ZFHX3: variants seen among roughly 807,000 people sequenced by gnomAD.
ZFHX3 encodes the protein zinc finger homeobox 3.
In ZFHX3, 42 loss-of-function variants were observed where a neutral mutation model predicts 279.1. The observed-to-expected ratio is 0.15, with a 90% confidence interval of 0.12 to 0.19. The LOEUF (loss-of-function observed/expected upper bound fraction) is 0.19, where lower values mean the gene tolerates loss of function less well. Ranked by LOEUF, ZFHX3 falls within the 10% of genes least tolerant of loss-of-function variation. The pLI is 1.00. For missense variants in ZFHX3, 4,981 were observed against 4,754.0 expected (o/e 1.05, Z -1.40); for synonymous variants, 2,293 against 1,957.8 (o/e 1.17, Z -4.52).
intron 2 of ZFHX3, among the ~76,000 whole-genome samples, chr16:73,595,381 C>T (rs2052037981): frequency 6.6e-6 from 1 of 152,206 alleles, no homozygotes; most frequent in African/African-American, 2.4e-5. Context: ...CCTTAACTTC[C>T]TTGACCTCTC....
intron 5 of ZFHX3, among the ~76,000 whole-genome samples, chr16:72,820,214 G>A (rs2036747975): frequency 6.6e-6 from 1 of 152,184 alleles, no homozygotes; most frequent in African/African-American, 2.4e-5. Flanking sequence ...GTGGGATGGT[G>A]GGCACACGCT....
intron 4 of ZFHX3, among the ~76,000 whole-genome samples, chr16:73,302,358 C>A (rs2015076188): frequency 6.6e-6 from 1 of 152,146 alleles, no homozygotes; most frequent in Admixed American, 6.5e-5. Flanking sequence ...AGAAACTTCT[C>A]TCAAGAGCAG....
intron 1 of ZFHX3, among the ~76,000 whole-genome samples, chr16:73,007,695 G>A (rs1023853138): frequency 2.0e-5 from 3 of 152,034 alleles, no homozygotes; most frequent in Non-Finnish European, 4.4e-5. Flanking sequence ...TCCACCCGCC[G>A]CGGCCTCCCA....
intron 4 of ZFHX3, among the ~76,000 whole-genome samples, chr16:73,308,062 A>G (rs2015223475): frequency 6.6e-6 from 1 of 151,680 alleles, no homozygotes; most frequent in Non-Finnish European, 1.5e-5. Flanking sequence ...AAAGAGGGGG[A>G]AAAGGCACTT....
chr16:72,921,437 G>T (rs1330811170), intron 3 of ZFHX3, among the ~76,000 whole-genome samples: 2 of 152,342 alleles, frequency 1.3e-5, no homozygotes, highest in Middle Eastern at 3.4e-3. Context: ...GGGCTAAGTG[G>T]GAAGACGGCG....
chr16:73,177,528 A>G (rs1967691847), intron 5 of ZFHX3, among the ~76,000 whole-genome samples: 1 of 152,238 alleles, frequency 6.6e-6, no homozygotes, highest in Non-Finnish European at 1.5e-5. Flanking sequence ...AGGTATCCCT[A>G]CTTTAAAGAT....
chr16:73,566,888 G>A (rs1389217090), intron 2 of ZFHX3, among the ~76,000 whole-genome samples: 2 of 152,006 alleles, frequency 1.3e-5, no homozygotes, highest in East Asian at 1.9e-4. Context: ...TAGTAGACAC[G>A]GGGTTTCTCC....
At chr16:73,521,967 A>G (rs1279862099) in intron 2 of ZFHX3, among the ~76,000 whole-genome samples, 1 of 152,178 alleles carries the variant, frequency 6.6e-6, no homozygotes, top group South Asian at 2.1e-4. Flanking sequence ...GAAAATGTCA[A>G]CTTCCGTTCC....
At chr16:73,747,395 G>T (rs2053713999) in intron 1 of ZFHX3, among the ~76,000 whole-genome samples, 1 of 152,002 alleles carries the variant, frequency 6.6e-6, no homozygotes, top group Admixed American at 6.6e-5. Context: ...AAAAAGAAAA[G>T]AAAAAATTCT....
chr16:73,590,290 T>C (rs909650203), intron 2 of ZFHX3, among the ~76,000 whole-genome samples: 2 of 152,240 alleles, frequency 1.3e-5, no homozygotes, highest in African/African-American at 4.8e-5. Flanking sequence ...AACATCCAGA[T>C]TGTGTCTCTA....
At chr16:73,588,253 A>G (rs979093956) in intron 2 of ZFHX3, among the ~76,000 whole-genome samples, 4 of 152,330 alleles carry the variant, frequency 2.6e-5, no homozygotes, top group Non-Finnish European at 5.9e-5. Context: ...GAATGCAGAT[A>G]AAGAATGTAC....
intron 5 of ZFHX3, among the ~76,000 whole-genome samples, chr16:72,827,359 G>A (rs1048924422): frequency 9.9e-5 from 15 of 152,076 alleles, no homozygotes; most frequent in Admixed American, 3.9e-4. Flanking sequence ...AATAATCCTC[G>A]TAGCAATCCT....
chr16:73,420,504 T>C (rs1317998201), intron 3 of ZFHX3, among the ~76,000 whole-genome samples: 1 of 152,208 alleles, frequency 6.6e-6, no homozygotes, highest in Non-Finnish European at 1.5e-5. Flanking sequence ...CTAAGCATCC[T>C]ACAATGCCCT....
intron 3 of ZFHX3, among the ~76,000 whole-genome samples, chr16:73,382,786 T>G (rs1258213818): frequency 2.0e-5 from 3 of 152,186 alleles, no homozygotes; most frequent in Middle Eastern, 3.2e-3. Flanking sequence ...GTGGTAAGAC[T>G]CTTTTCAACT....
At chr16:72,869,249 T>G (rs2038094789) in intron 4 of ZFHX3, among the ~76,000 whole-genome samples, 1 of 152,206 alleles carries the variant, frequency 6.6e-6, no homozygotes, top group Non-Finnish European at 1.5e-5. Flanking sequence ...CCCTGGAGCC[T>G]TCACTTTCCC....
chr16:73,233,662 TAC>T (rs1169386932), intron 5 of ZFHX3, among the ~76,000 whole-genome samples: 1 of 152,216 alleles, frequency 6.6e-6, no homozygotes, highest in African/African-American at 2.4e-5. Flanking sequence ...GTGATTTTAA[TAC>T]AGTGTTCCAA....
At chr16:73,642,742 G>A (rs904887482) in intron 2 of ZFHX3, among the ~76,000 whole-genome samples, 11 of 152,044 alleles carry the variant, frequency 7.2e-5, no homozygotes, top group Admixed American at 6.5e-5. Context: ...CTGAACAGAC[G>A]CTGTTTTTCC....
At chr16:73,887,426 T>C (rs1032636805) in intron 1 of ZFHX3, among the ~76,000 whole-genome samples, 73 of 152,176 alleles carry the variant, frequency 4.8e-4, no homozygotes, top group African/African-American at 1.8e-3. Context: ...CCAAATCGAT[T>C]TCTATACATG....
At chr16:72,961,044 C>A (rs12927436) in intron 1 of ZFHX3, among the ~76,000 whole-genome samples, 124,267 of 152,054 alleles carry the variant, frequency 0.82, 52,523 homozygotes, top group Non-Finnish European at 0.94. Context: ...ACTAAAACTA[C>A]GTAGGTGCAA....
Sources: gnomAD v4.1 joint callset for allele counts (sites outside exome capture counted in the v4.1 genomes callset) on GRCh38, gnomAD v4.1.1 for gene constraint, MANE v1.5 for transcripts, NCBI Gene and HGNC (gene_info 2026-07-23, HGNC 2026-07-21) for gene names.